Variants in SLC14A2 observed in about 807,000 individuals in gnomAD.
SLC14A2 encodes solute carrier family 14 member 2.
Under a neutral mutation model 104.6 loss-of-function variants are expected in SLC14A2, and 91 were observed. That is an observed-to-expected ratio of 0.87 (90% confidence interval 0.73 to 1.04). The LOEUF (loss-of-function observed/expected upper bound fraction) is 1.04. Ranked by LOEUF, SLC14A2 falls within the 50% of genes least tolerant of loss-of-function variation. The probability of loss-of-function intolerance (pLI) is 0.00; values close to 1 mark genes in which losing one functional copy is unlikely to be tolerated. For missense variants in SLC14A2, 1,189 were observed against 1,156.0 expected (o/e 1.03, Z -0.41); for synonymous variants, 476 against 466.4 (o/e 1.02, Z -0.27).
intron 1 of SLC14A2, among the ~76,000 whole-genome samples, chr18:45,618,907 G>A (rs1048095169): frequency 4.1e-4 from 63 of 152,090 alleles, no homozygotes; most frequent in Non-Finnish European, 8.4e-4. Flanking sequence ...ACTGGGCATG[G>A]GCGTGTTTCT....
At chr18:45,318,806 G>C (rs34058776) in intron 1 of SLC14A2, among the ~76,000 whole-genome samples, 1 of 151,250 alleles carries the variant, frequency 6.6e-6, no homozygotes, top group African/African-American at 2.4e-5. Flanking sequence ...AAAAAAATTC[G>C]CAGGTCCTCC....
intron 2 of SLC14A2, among the ~76,000 whole-genome samples, chr18:45,586,428 TTGG>T (rs1568286964): frequency 2.6e-5 from 4 of 152,170 alleles, no homozygotes; most frequent in Non-Finnish European, 5.9e-5. Flanking sequence ...TTGGCACTGA[TTGG>T]GATTTTGTTC....
chr18:45,565,858 T>A (rs984870318), intron 2 of SLC14A2, among the ~76,000 whole-genome samples: 5 of 152,094 alleles, frequency 3.3e-5, no homozygotes, highest in African/African-American at 1.2e-4. Flanking sequence ...CAATAAATCA[T>A]CCCAGGCAGC....
rs181308284 is a variant in SLC14A2, at chr18:45,519,239, T to A, written c.-35+35917T>A. Among the ~76,000 whole-genome samples the A allele has an allele frequency of 5.3e-5, 8 of 152,190 alleles. No homozygotes were observed. In the East Asian group the frequency reaches 1.5e-3, roughly 29 times the overall value. ...CAGAGCGCACTAACAAGCAACTGAATCCATGTATAAATGAACAGAAACCCA... is the reference window on the plus strand; with the variant it reads ...CAGAGCGCACTAACAAGCAACTGAAACCATGTATAAATGAACAGAAACCCA... On this transcript the variant is annotated intron_variant, in intron 2 of 20. Coordinates refer to the SLC14A2 transcript ENST00000586448.
At position 45,627,090 on chromosome 18, in the gene SLC14A2, CT is replaced by C; in HGVS notation, c.465del (p.Gly157AlafsTer9). 4 of 1,614,096 alleles carry C rather than the reference CT, an allele frequency of 2.5e-6. No homozygotes were observed. The highest frequency in any genetic ancestry group is 3.4e-6 in the Non-Finnish European group (4 of 1,180,028). On this transcript the variant is annotated frameshift_variant, in exon 4 of 20. Transcript: ENST00000255226. LOFTEE classifies it high-confidence loss of function. Reference sequence around the variant, plus strand: ...ATCCAGAATCCCTGGTGGACAATCACTGGGGGCCTGGGGACAGTGGTCTCGA... The same window carrying C: ...ATCCAGAATCCCTGGTGGACAATCACGGGGGCCTGGGGACAGTGGTCTCGA... Reference protein sequence around the residue: ...LLIQNPWWTITGGLGTVVSTL... With the variant: ...LLIQNPWWTIXGGLGTVVSTL...
chr18:45,264,832 C>G (rs1295288954), intron 1 of SLC14A2, among the ~76,000 whole-genome samples: 2 of 152,114 alleles, frequency 1.3e-5, no homozygotes, highest in Admixed American at 1.3e-4. Flanking sequence ...CACAGCCAAA[C>G]CATTTCACTT....
At chr18:45,514,650 T>C (rs567851836) in intron 2 of SLC14A2, among the ~76,000 whole-genome samples, 3 of 152,282 alleles carry the variant, frequency 2.0e-5, no homozygotes, top group African/African-American at 7.2e-5. Flanking sequence ...TTGGTAAGCA[T>C]AGGGTAATAT....
intron 2 of SLC14A2, among the ~76,000 whole-genome samples, chr18:45,551,969 C>T (rs9955774): frequency 6.6e-6 from 1 of 152,162 alleles, no homozygotes; most frequent in Non-Finnish European, 1.5e-5. Context: ...TAATTTGCAT[C>T]TCACATTCCT....
intron 1 of SLC14A2, among the ~76,000 whole-genome samples, chr18:45,307,883 T>A (rs1248686884): frequency 6.6e-6 from 1 of 152,216 alleles, no homozygotes; most frequent in Non-Finnish European, 1.5e-5. Context: ...TTGAACTGGC[T>A]TATGGTTCTG....
At chr18:45,309,938 G>T (rs549868803) in intron 1 of SLC14A2, among the ~76,000 whole-genome samples, 1 of 150,962 alleles carries the variant, frequency 6.6e-6, no homozygotes, top group East Asian at 1.9e-4. Context: ...CAACAATATC[G>T]GTCTGCATTT....
At chr18:45,613,117 C>A (rs1363965944), upstream of SLC14A2, among the ~76,000 whole-genome samples, 1 of 152,190 alleles carries the variant, frequency 6.6e-6, no homozygotes, top group Admixed American at 6.5e-5. Context: ...TCACTGCAAG[C>A]TCCGCCTCCC....
intron 1 of SLC14A2, among the ~76,000 whole-genome samples, chr18:45,341,400 G>C (rs545401335): frequency 1.3e-5 from 2 of 151,954 alleles, no homozygotes; most frequent in Non-Finnish European, 2.9e-5. Flanking sequence ...GAAAAATTAC[G>C]GTGGCCTGAA....
chr18:45,559,967 T>A lies in SLC14A2; in HGVS notation c.-34-64664T>A, dbSNP rs193246884. On this transcript the variant is annotated intron_variant, in intron 2 of 20. Transcript: ENST00000586448. Reference sequence around the variant, plus strand: ...GAGATAAGGGATCACCACATCAAGGTCATGGAGCAGAGGCTTCCTGGGTGT... The same window carrying A: ...GAGATAAGGGATCACCACATCAAGGACATGGAGCAGAGGCTTCCTGGGTGT... Among the ~76,000 whole-genome samples the A allele has an allele frequency of 6.1e-4, 93 of 152,288 alleles. 2 individuals are homozygous for A. The Middle Eastern group carries it at 0.027, about 45-fold the overall frequency.
intron 1 of SLC14A2, among the ~76,000 whole-genome samples, chr18:45,396,274 C>T (rs1248399881): frequency 2.0e-5 from 3 of 152,154 alleles, no homozygotes; most frequent in African/African-American, 4.8e-5. Flanking sequence ...TGTGATCCCA[C>T]AATCCTTTCT....
At chr18:45,462,267 C>T (rs1334298446) in intron 1 of SLC14A2, among the ~76,000 whole-genome samples, 2 of 152,162 alleles carry the variant, frequency 1.3e-5, no homozygotes, top group Non-Finnish European at 2.9e-5. Context: ...ATAACAGCAT[C>T]AAAAAGGAAA....
intron 2 of SLC14A2, among the ~76,000 whole-genome samples, chr18:45,515,979 T>C (rs955618696): frequency 7.9e-5 from 12 of 152,236 alleles, no homozygotes; most frequent in African/African-American, 2.2e-4. Flanking sequence ...CTCAAGTTGA[T>C]AGTGTGAAGT....
chr18:45,378,563 A>G (rs182318978), intron 1 of SLC14A2, among the ~76,000 whole-genome samples: 69 of 152,346 alleles, frequency 4.5e-4, no homozygotes, highest in Non-Finnish European at 8.4e-4. Context: ...TTATTCTTTC[A>G]TATGTAATCA....
intron 1 of SLC14A2, among the ~76,000 whole-genome samples, chr18:45,375,042 T>C (rs763208945): frequency 1.3e-5 from 2 of 152,162 alleles, no homozygotes; most frequent in Non-Finnish European, 2.9e-5. Flanking sequence ...TGAGAGACAA[T>C]GAAAGAGATC....
At chr18:45,471,466 T>A (rs1394013792) in intron 1 of SLC14A2, among the ~76,000 whole-genome samples, 3 of 152,190 alleles carry the variant, frequency 2.0e-5, no homozygotes, top group African/African-American at 7.2e-5. Context: ...TGAAAACCGT[T>A]TTGAAATTAT....
Sources: gnomAD v4.1 joint callset for allele counts (sites outside exome capture counted in the v4.1 genomes callset) on GRCh38, gnomAD v4.1.1 for gene constraint, MANE v1.5 for transcripts, NCBI Gene and HGNC (gene_info 2026-07-23, HGNC 2026-07-21) for gene names.